The following CTNNA2 variants were observed in gnomAD, a reference collection of about 807,000 sequenced individuals.
CTNNA2 encodes the protein catenin alpha-2.
CTNNA2 carries 42 observed loss-of-function variants against 101.0 expected under a neutral mutation model. That is an observed-to-expected ratio of 0.42 (90% CI 0.32 to 0.54). The LOEUF (loss-of-function observed/expected upper bound fraction) is 0.54, where lower values mean the gene tolerates loss of function less well. Ranked by LOEUF, CTNNA2 falls within the 20% of genes least tolerant of loss-of-function variation. CTNNA2 has a pLI of 0.14. For synonymous variants in CTNNA2, 450 were observed against 456.4 expected (o/e 0.99, Z 0.18); for missense variants, 871 against 1,223.1 (o/e 0.71, Z 4.29).
intron 2 of CTNNA2, among the ~76,000 whole-genome samples, chr2:79,310,967 C>T (rs1013580103): frequency 6.6e-6 from 1 of 152,142 alleles, no homozygotes; most frequent in African/African-American, 2.4e-5. Context: ...TACACCTCAG[C>T]TTGGAAATCC....
chr2:80,385,140 A>G (rs1294921265), intron 7 of CTNNA2, among the ~76,000 whole-genome samples: 3 of 152,192 alleles, frequency 2.0e-5, no homozygotes, highest in Non-Finnish European at 4.4e-5. Flanking sequence ...AATGTGTTTT[A>G]TATACTAAAT....
At chr2:79,951,479 A>G (rs1280861555) in intron 7 of CTNNA2, among the ~76,000 whole-genome samples, 1 of 152,122 alleles carries the variant, frequency 6.6e-6, no homozygotes, top group African/African-American at 2.4e-5. Context: ...CAGCCTGGCC[A>G]GCATGGTGAA....
chr2:80,253,463 C>T (rs1191422765), intron 7 of CTNNA2, among the ~76,000 whole-genome samples: 2 of 152,106 alleles, frequency 1.3e-5, no homozygotes, highest in African/African-American at 4.8e-5. Flanking sequence ...AGCCTCGACT[C>T]TCTAGTTCTA....
chr2:79,693,225 G>A (rs752810308), intron 2 of CTNNA2, among the ~76,000 whole-genome samples: 1 of 151,804 alleles, frequency 6.6e-6, no homozygotes, highest in African/African-American at 2.4e-5. Flanking sequence ...ATGCTTTGTG[G>A]CAATAATAGG....
upstream of CTNNA2, among the ~76,000 whole-genome samples, chr2:79,510,010 G>C (rs1671501299): frequency 1.3e-5 from 2 of 152,164 alleles, no homozygotes; most frequent in African/African-American, 4.8e-5. Flanking sequence ...AGTGTGTAGA[G>C]ACCTGACATT....
intron 7 of CTNNA2, among the ~76,000 whole-genome samples, chr2:80,219,217 A>G (rs993733062): frequency 6.6e-5 from 10 of 152,180 alleles, no homozygotes; most frequent in African/African-American, 2.2e-4. Context: ...GGCCTTTGCA[A>G]TGCCATCTTT....
intron 7 of CTNNA2, among the ~76,000 whole-genome samples, chr2:80,141,719 A>G (rs1047571584): frequency 1.3e-5 from 2 of 152,104 alleles, no homozygotes; most frequent in East Asian, 1.9e-4. Context: ...GAGTTATTTC[A>G]TGGGAAATTT....
chr2:79,669,533 A>T (rs1224438205), intron 2 of CTNNA2, among the ~76,000 whole-genome samples: 2 of 152,132 alleles, frequency 1.3e-5, no homozygotes, highest in Non-Finnish European at 2.9e-5. Flanking sequence ...AGCTCAGAGG[A>T]GTGGGCAGCT....
intron 7 of CTNNA2, among the ~76,000 whole-genome samples, chr2:80,224,028 C>T (rs562181016): frequency 4.6e-5 from 7 of 152,282 alleles, no homozygotes; most frequent in South Asian, 4.1e-4. Flanking sequence ...GATGGCCCCT[C>T]GATTGTCCCA....
chr2:79,879,437 C>T (rs1230898669), intron 6 of CTNNA2, among the ~76,000 whole-genome samples: 1 of 152,090 alleles, frequency 6.6e-6, no homozygotes, highest in Non-Finnish European at 1.5e-5. Context: ...AATGCTGATT[C>T]TTCCTATCCA....
chr2:80,647,997 T>C lies in CTNNA2; in HGVS notation c.*125T>C, dbSNP rs964031028. 3.4e-6 allele frequency: 3 copies of C among 877,714 alleles called. No individual in the cohort carries two copies. In the African/African-American group the frequency reaches 5.1e-5, roughly 15 times the overall value. 54.4% of individuals were successfully genotyped at this position (877,714 alleles called of 1,614,324 possible). On this transcript the variant is annotated 3_prime_UTR_variant, in exon 19 of 19. Coordinates refer to ENST00000402739, the MANE Select transcript of CTNNA2 (RefSeq NM_001282597.3). Reference sequence around the variant, plus strand: ...TGGCATGGGGAAATTAAGGGAACAGTGTCTGTTTGCATGTAAGATGAGATG... The same window carrying C: ...TGGCATGGGGAAATTAAGGGAACAGCGTCTGTTTGCATGTAAGATGAGATG...
intron 7 of CTNNA2, among the ~76,000 whole-genome samples, chr2:80,225,140 C>T (rs775728951): frequency 6.6e-6 from 1 of 152,120 alleles, no homozygotes; most frequent in African/African-American, 2.4e-5. Flanking sequence ...GCTGTCTCCT[C>T]CTTGGGAATT....
chr2:79,893,195 C>G (rs1350090991), intron 6 of CTNNA2, among the ~76,000 whole-genome samples: 1 of 152,136 alleles, frequency 6.6e-6, no homozygotes, highest in African/African-American at 2.4e-5. Context: ...TAAGTGATAT[C>G]TTTTCCACCG....
chr2:79,947,079 G>T (rs1574380995), intron 7 of CTNNA2, among the ~76,000 whole-genome samples: 1 of 152,182 alleles, frequency 6.6e-6, no homozygotes, highest in African/African-American at 2.4e-5. Context: ...ATTATCTCAG[G>T]TCTAAAAGTA....
At chr2:79,571,407 A>C (rs1377112833) in intron 1 of CTNNA2, among the ~76,000 whole-genome samples, 1 of 152,142 alleles carries the variant, frequency 6.6e-6, no homozygotes, top group African/African-American at 2.4e-5. Flanking sequence ...AGATACCCAG[A>C]GTGTGCTGTC....
chr2:79,653,115 A>G (rs546694790), intron 2 of CTNNA2, among the ~76,000 whole-genome samples: 3 of 152,328 alleles, frequency 2.0e-5, no homozygotes, highest in South Asian at 4.1e-4. Context: ...AGGAGTTGCC[A>G]GTCTCAAGAA....
At chr2:80,234,088 C>T (rs1308270960) in intron 7 of CTNNA2, among the ~76,000 whole-genome samples, 1 of 152,052 alleles carries the variant, frequency 6.6e-6, no homozygotes, top group Non-Finnish European at 1.5e-5. Flanking sequence ...ACTCTGTCGC[C>T]CAGGCTGGAA....
chr2:79,611,263 A>G (rs755170863), intron 1 of CTNNA2, among the ~76,000 whole-genome samples: 4 of 152,146 alleles, frequency 2.6e-5, no homozygotes, highest in Non-Finnish European at 5.9e-5. Flanking sequence ...GGCACGCTTA[A>G]TATCTTTTTA....
chr2:80,303,706 C>T lies in CTNNA2; in HGVS notation c.1057-89505C>T, dbSNP rs531265140. ...CCTCGCACCGGCACAGCTGCGGGCA[C>T]CCGCTGGGGGCGGCGGGCAGCATCT... On this transcript the variant is annotated intron_variant, in intron 7 of 18. Transcript: ENST00000402739. The surrounding 1 kb of genome is among the most constrained non-coding windows in gnomAD (Gnocchi z 7.7). The T allele has an allele frequency of 1.1e-5, 17 of 1,609,326 alleles. No homozygotes were observed. The highest frequency in any genetic ancestry group is 3.3e-4 in the Middle Eastern group (2 of 6,044).
Sources: gnomAD v4.1 joint callset for allele counts (sites outside exome capture counted in the v4.1 genomes callset) on GRCh38, gnomAD v4.1.1 for gene constraint, Gnocchi (gnomAD v3.1) non-coding constraint, MANE v1.5 for transcripts, NCBI Gene and HGNC (gene_info 2026-07-23, HGNC 2026-07-21) for gene names.